AOAH: variants seen among roughly 807,000 people sequenced by gnomAD.
The protein encoded by AOAH is acyloxyacyl hydrolase (neutrophil).
A neutral mutation model predicts 92.2 loss-of-function variants in AOAH; 64 were observed. The ratio of observed to expected loss-of-function variants is 0.69; its 90% CI spans 0.57 to 0.86. The LOEUF is 0.86. AOAH is among the 40% of genes least tolerant of loss of function. The pLI, the probability that AOAH is intolerant of heterozygous loss-of-function variation, is 0.00. For missense variants in AOAH, 656 were observed against 694.6 expected (o/e 0.94, Z 0.62); for synonymous variants, 263 against 254.5 (o/e 1.03, Z -0.32).
intron 16 of AOAH, among the ~76,000 whole-genome samples, chr7:36,534,990 G>A (rs1009962871): frequency 6.8e-6 from 1 of 147,950 alleles, no homozygotes; most frequent in African/African-American, 2.5e-5. Flanking sequence ...GTGTTTGTGT[G>A]TGTCTGCTTG....
chr7:36,532,799 C>A (rs553928198), intron 16 of AOAH, among the ~76,000 whole-genome samples: 1 of 152,140 alleles, frequency 6.6e-6, no homozygotes, highest in African/African-American at 2.4e-5. Flanking sequence ...GTTTATGAAA[C>A]GCTCAGGTCT....
Position 36,686,755 on chromosome 7 carries a change from T to C in AOAH, c.167A>G (p.Gln56Arg), listed in dbSNP as rs775617917. The change falls in exon 2 of 21, where the codon CAA becomes CGA. Residue 56 changes from glutamine (Q) to arginine (R), a missense_variant. Transcript: ENST00000617537. ...GGCCTGGACCGTCGAGTTGTGAACT[T>C]GAGCAAGCTGTTCTATTACAGACAC... ...LVVSVIEQLA[Q>R]VHNSTVQASM... is the part of the protein sequence containing the mutation. The C allele has an allele frequency of 5.1e-6, 8 of 1,581,050 alleles. No individual in the cohort carries two copies. The East Asian group carries it at 1.9e-4, about 38-fold the overall frequency.
chr7:36,642,033 G>A (rs937148009), intron 4 of AOAH, among the ~76,000 whole-genome samples: 4 of 152,128 alleles, frequency 2.6e-5, no homozygotes, highest in Admixed American at 2.6e-4. Flanking sequence ...ACTACTGACT[G>A]CTATTATGGG....
intron 2 of AOAH, among the ~76,000 whole-genome samples, chr7:36,682,233 TAGAG>T (rs1357110125): frequency 6.6e-6 from 1 of 152,158 alleles, no homozygotes; most frequent in Non-Finnish European, 1.5e-5. Flanking sequence ...CTTTTGGGGA[TAGAG>T]AAAGTCCAGA....
rs143469674 is a variant in AOAH at position 36,535,258 on chromosome 7, T to G, written c.1307-2914A>C. ...TAAGCTCCTCTGAAGATCAAAGGTGTGTTCTTCCCTAGCTGGCTTAGTGAC... is the reference window on the plus strand; with the variant it reads ...TAAGCTCCTCTGAAGATCAAAGGTGGGTTCTTCCCTAGCTGGCTTAGTGAC... On this transcript the variant is annotated intron_variant, in intron 16 of 20. Coordinates refer to ENST00000617537, the MANE Select transcript of AOAH (RefSeq NM_001637.4). Among the ~76,000 whole-genome samples the G allele has an allele frequency of 6.4e-3, 968 of 152,240 alleles. 5 individuals carry two copies. The highest frequency in any genetic ancestry group is 8.7e-3 in the Non-Finnish European group (589 of 68,018).
intron 1 of AOAH, among the ~76,000 whole-genome samples, chr7:36,723,115 T>C (rs1488074816): frequency 6.6e-6 from 1 of 152,066 alleles, no homozygotes; most frequent in Non-Finnish European, 1.5e-5. Context: ...ATTTGCAGCA[T>C]GTAGCCATCA....
chr7:36,623,346 T>G, intron 6 of AOAH, 96 bp from the exon 7 acceptor site: 1 of 1,100,342 alleles, frequency 9.1e-7, no homozygotes, highest in Non-Finnish European at 1.4e-6. Flanking sequence ...ACAGCTCTGT[T>G]GAGTTTATGC....
intron 12 of AOAH, among the ~76,000 whole-genome samples, chr7:36,584,230 G>T (rs183819721): frequency 6.6e-6 from 1 of 152,004 alleles, no homozygotes; most frequent in Non-Finnish European, 1.5e-5. Context: ...GACTTAACAC[G>T]TCTTTTAAGA....
chr7:36,573,653 G>A (rs2116610476), intron 13 of AOAH, among the ~76,000 whole-genome samples: 1 of 152,280 alleles, frequency 6.6e-6, no homozygotes, highest in East Asian at 1.9e-4. Context: ...AGGAGGTGGA[G>A]GTTGCAGTGA....
intron 18 of AOAH, chr7:36,530,786 C>A: frequency 3.2e-6 from 1 of 314,242 alleles, no homozygotes; most frequent in Non-Finnish European, 5.9e-6. Flanking sequence ...GGTAAGATAA[C>A]CATGATATTG....
chr7:36,566,125 C>T (rs1464760947), intron 13 of AOAH, among the ~76,000 whole-genome samples: 4 of 142,028 alleles, frequency 2.8e-5, no homozygotes, highest in African/African-American at 1.0e-4. Flanking sequence ...AAATGTTCCT[C>T]AATTTTTGTT....
intron 11 of AOAH, chr7:36,594,777 A>C (rs1789989314): frequency 6.1e-6 from 2 of 328,580 alleles, no homozygotes; most frequent in Non-Finnish European, 1.2e-5. Context: ...TCAGAAAGTC[A>C]ATCATCTGAA....
At chr7:36,600,470 C>T (rs1790476712) in intron 11 of AOAH, among the ~76,000 whole-genome samples, 1 of 152,158 alleles carries the variant, frequency 6.6e-6, no homozygotes, top group South Asian at 2.1e-4. Context: ...CAGCGCAGGG[C>T]CCAGGACTGC....
chr7:36,655,090 A>G (rs1794797635), intron 4 of AOAH, among the ~76,000 whole-genome samples: 1 of 152,222 alleles, frequency 6.6e-6, no homozygotes, highest in African/African-American at 2.4e-5. Context: ...GAACAAAGAC[A>G]GACAGGCAAG....
intron 4 of AOAH, among the ~76,000 whole-genome samples, chr7:36,656,723 T>C (rs1036450629): frequency 6.6e-6 from 1 of 151,586 alleles, no homozygotes; most frequent in Non-Finnish European, 1.5e-5. Flanking sequence ...TTGTGCGACC[T>C]TCCCCTGTGC....
chr7:36,656,040 C>T lies in AOAH; in HGVS notation c.390+3126G>A, dbSNP rs573822783. 2.6e-5 allele frequency among the ~76,000 whole-genome samples: 4 copies of T among 152,196 alleles called. No individual in the cohort carries two copies. In the South Asian group the frequency reaches 6.2e-4, roughly 24 times the overall value. On this transcript the variant is annotated intron_variant, in intron 4 of 20. Transcript: ENST00000617537. The stretch of plus-strand genomic sequence containing the variant: ...GAAGGACAGAGTGAGAAATTGCTTT[C>T]CAGGCAAAGGGTTGGGCTGGGGTGG...
chr7:36,558,926 C>T (rs1422177135), intron 13 of AOAH, among the ~76,000 whole-genome samples: 1 of 152,274 alleles, frequency 6.6e-6, no homozygotes, highest in Non-Finnish European at 1.5e-5. Context: ...CCTTGCACTT[C>T]CCGAGTGAGG....
At chr7:36,676,028 A>C (rs1796237262) in intron 2 of AOAH, among the ~76,000 whole-genome samples, 3 of 152,220 alleles carry the variant, frequency 2.0e-5, no homozygotes, top group Non-Finnish European at 1.5e-5. Flanking sequence ...TTTAGTGGTG[A>C]AAAATTAAAT....
chr7:36,698,181 GTAT>G (rs1728433511), intron 1 of AOAH, among the ~76,000 whole-genome samples: 1 of 152,018 alleles, frequency 6.6e-6, no homozygotes, highest in Admixed American at 6.6e-5. Flanking sequence ...CAGAATTTGT[GTAT>G]TTTATCTAAA....
Sources: allele counts gnomAD v4.1 joint callset (sites outside exome capture counted in the v4.1 genomes callset), GRCh38; gene constraint gnomAD v4.1.1; transcripts MANE v1.5; gene names NCBI Gene and HGNC (gene_info 2026-07-23, HGNC 2026-07-21).